Variants in FAM13A observed in about 807,000 individuals in gnomAD.
The protein encoded by FAM13A is family with sequence similarity 13 member A.
A neutral mutation model predicts 129.6 loss-of-function variants in FAM13A; 76 were observed. The observed-to-expected ratio is 0.59, with a 90% CI of 0.49 to 0.71. The LOEUF (loss-of-function observed/expected upper bound fraction) is 0.71, where lower values mean the gene tolerates loss of function less well. Ranked by LOEUF, FAM13A falls within the 30% of genes least tolerant of loss-of-function variation. The pLI, the probability that FAM13A is intolerant of heterozygous loss-of-function variation, is 0.00. For missense variants in FAM13A, 1,108 were observed against 1,249.3 expected, an observed-to-expected ratio of 0.89 and a Z score of 1.70; for synonymous variants, 443 against 449.9, an observed-to-expected ratio of 0.98 and a Z score of 0.20.
At chr4:89,015,919 T>C (rs1395798861) in intron 3 of FAM13A, among the ~76,000 whole-genome samples, 1 of 152,112 alleles carries the variant, frequency 6.6e-6, no homozygotes, top group African/African-American at 2.4e-5. Context: ...TATACATACA[T>C]ATATACGTGT....
At chr4:88,788,304 A>G (rs910405949) in intron 9 of FAM13A, among the ~76,000 whole-genome samples, 7 of 152,180 alleles carry the variant, frequency 4.6e-5, no homozygotes, top group Non-Finnish European at 1.0e-4. Flanking sequence ...ATTCTTACAA[A>G]GGCAATTTCA....
chr4:88,993,750 C>T (rs543541852), intron 3 of FAM13A, among the ~76,000 whole-genome samples: 1 of 152,252 alleles, frequency 6.6e-6, no homozygotes, highest in African/African-American at 2.4e-5. Flanking sequence ...CCTGTAATCC[C>T]AGCACTTTGG....
intron 4 of FAM13A, among the ~76,000 whole-genome samples, chr4:88,975,398 C>A (rs1760755509): frequency 6.6e-6 from 1 of 152,174 alleles, no homozygotes; most frequent in African/African-American, 2.4e-5. Flanking sequence ...CCACTGAATT[C>A]TGTGAATACC....
intron 19 of FAM13A, among the ~76,000 whole-genome samples, chr4:88,742,720 T>C (rs891596041): frequency 6.6e-6 from 1 of 152,184 alleles, no homozygotes; most frequent in Non-Finnish European, 1.5e-5. Context: ...AAAAGAGCTA[T>C]TAAATCTAAC....
intron 7 of FAM13A, among the ~76,000 whole-genome samples, chr4:88,833,759 G>C (rs556072780): frequency 1.2e-4 from 18 of 152,114 alleles, no homozygotes; most frequent in African/African-American, 3.4e-4. Context: ...GGTGGTGGGT[G>C]CCTGTAATCC....
intron 14 of FAM13A, among the ~76,000 whole-genome samples, chr4:88,754,179 CCTCT>C (rs1375704603): frequency 6.6e-6 from 1 of 152,134 alleles, no homozygotes; most frequent in African/African-American, 2.4e-5. Context: ...GTATGACATG[CCTCT>C]CTATTAAAAA....
chr4:88,855,903 A>G (rs919430257), intron 6 of FAM13A: 2 of 152,210 alleles, frequency 1.3e-5, no homozygotes, highest in Non-Finnish European at 2.9e-5. Flanking sequence ...ATTATCTGCC[A>G]TGCTAAGTGG....
At chr4:88,982,590 C>A (rs1415418889) in intron 4 of FAM13A, among the ~76,000 whole-genome samples, 1 of 152,144 alleles carries the variant, frequency 6.6e-6, no homozygotes, top group East Asian at 1.9e-4. Flanking sequence ...AGACTAACTT[C>A]CTTTTATACG....
At chr4:88,950,303 C>A (rs1161689089) in intron 4 of FAM13A, among the ~76,000 whole-genome samples, 2 of 151,284 alleles carry the variant, frequency 1.3e-5, no homozygotes, top group African/African-American at 4.9e-5. Context: ...TAGGCTCAGG[C>A]AATCCTCCTG....
chr4:88,827,350 C>T (rs1035335245), intron 7 of FAM13A, among the ~76,000 whole-genome samples: 10 of 152,142 alleles, frequency 6.6e-5, no homozygotes, highest in African/African-American at 1.7e-4. Flanking sequence ...ATAAATTGGG[C>T]GCTGCAATTA....
chr4:88,814,354 G>T (rs62308741), intron 7 of FAM13A, among the ~76,000 whole-genome samples: 2 of 152,118 alleles, frequency 1.3e-5, no homozygotes, highest in African/African-American at 2.4e-5. Context: ...ATTTTTTTGG[G>T]AGAAAGATAA....
intron 7 of FAM13A, among the ~76,000 whole-genome samples, chr4:88,825,030 C>T (rs1188546695): frequency 6.6e-6 from 1 of 152,016 alleles, no homozygotes; most frequent in Non-Finnish European, 1.5e-5. Flanking sequence ...TAGAAAATCA[C>T]AATTATACAT....
intron 4 of FAM13A, among the ~76,000 whole-genome samples, chr4:88,940,458 T>C (rs1754561858): frequency 6.6e-6 from 1 of 152,232 alleles, no homozygotes; most frequent in Non-Finnish European, 1.5e-5. Context: ...TGCCACCTAG[T>C]TTCTTCTTAC....
intron 6 of FAM13A, among the ~76,000 whole-genome samples, chr4:88,862,971 CA>C (rs1739743409): frequency 6.7e-6 from 1 of 149,018 alleles, no homozygotes; most frequent in East Asian, 2.0e-4. Flanking sequence ...TTTCTTCCTT[CA>C]TTTAGCCAAA....
chr4:89,019,604 T>C (rs928663857), intron 3 of FAM13A, among the ~76,000 whole-genome samples: 3 of 151,636 alleles, frequency 2.0e-5, no homozygotes, highest in Non-Finnish European at 2.9e-5. Flanking sequence ...CTACTAAAAA[T>C]ACAAAAGTTA....
chr4:88,860,217 C>A (rs944525398), intron 6 of FAM13A, among the ~76,000 whole-genome samples: 1 of 152,104 alleles, frequency 6.6e-6, no homozygotes, highest in African/African-American at 2.4e-5. Context: ...TTTTGATAAC[C>A]TGATTAATGT....
intron 4 of FAM13A, among the ~76,000 whole-genome samples, chr4:88,974,619 G>C (rs1760651864): frequency 6.6e-6 from 1 of 152,120 alleles, no homozygotes; most frequent in Non-Finnish European, 1.5e-5. Context: ...TGGGATTACA[G>C]GCACCCGCCA....
intron 4 of FAM13A, among the ~76,000 whole-genome samples, chr4:88,940,632 G>A (rs191678103): frequency 2.0e-5 from 3 of 152,194 alleles, no homozygotes; most frequent in African/African-American, 7.2e-5. Flanking sequence ...AAAGTTGAGG[G>A]TGTGACTATA....
At chr4:88,964,660 C>T (rs1207396937) in intron 4 of FAM13A, among the ~76,000 whole-genome samples, 2 of 145,390 alleles carry the variant, frequency 1.4e-5, no homozygotes, top group African/African-American at 2.5e-5. Context: ...TGGAGTCTCA[C>T]TCTGTCACCC....
Sources: gnomAD v4.1 joint callset for allele counts (sites outside exome capture counted in the v4.1 genomes callset) on GRCh38, gnomAD v4.1.1 for gene constraint, MANE v1.5 for transcripts, NCBI Gene and HGNC (gene_info 2026-07-23, HGNC 2026-07-21) for gene names.